Variants in HSD17B12 observed in about 807,000 individuals in gnomAD.
HSD17B12 encodes very-long-chain 3-oxoacyl-CoA reductase.
HSD17B12 carries 32 observed loss-of-function variants against 39.3 expected under a neutral mutation model. That is an observed-to-expected ratio of 0.81 (90% CI 0.61 to 1.09). HSD17B12 has a LOEUF of 1.09. Ranked by LOEUF, HSD17B12 falls within the 50% of genes least tolerant of loss-of-function variation. The pLI, the probability that HSD17B12 is intolerant of heterozygous loss-of-function variation, is 0.00. For missense variants in HSD17B12, 342 were observed against 382.9 expected (o/e 0.89, Z 0.89); for synonymous variants, 150 against 146.7 (o/e 1.02, Z -0.16).
chr11:43,679,926 G>T (rs1245446175), upstream of HSD17B12, among the ~76,000 whole-genome samples: 1 of 151,940 alleles, frequency 6.6e-6, no homozygotes, highest in Non-Finnish European at 1.5e-5. Flanking sequence ...AAGACTGCAA[G>T]CCTTTATCTG....
intron 1 of HSD17B12, among the ~76,000 whole-genome samples, chr11:43,715,031 C>T (rs552019986): frequency 1.4e-4 from 21 of 152,216 alleles, no homozygotes; most frequent in African/African-American, 1.4e-4. Context: ...TGGGCTGAGA[C>T]GATGGGGTTT....
At chr11:43,719,979 A>G (rs1289905276) in intron 1 of HSD17B12, among the ~76,000 whole-genome samples, 1 of 152,228 alleles carries the variant, frequency 6.6e-6, no homozygotes, top group East Asian at 1.9e-4. Flanking sequence ...AGCCACATTT[A>G]TAATCCCTTT....
At chr11:43,650,500 C>A in the HSD17B12 span, among the ~76,000 whole-genome samples, 19 of 152,232 alleles carry the variant, frequency 1.2e-4, no homozygotes, top group South Asian at 3.5e-3. Flanking sequence ...TAGGAACCCT[C>A]ATACACTGCT....
the HSD17B12 span, among the ~76,000 whole-genome samples, chr11:43,655,778 T>G: frequency 2.6e-5 from 4 of 152,180 alleles, no homozygotes; most frequent in African/African-American, 9.7e-5. Flanking sequence ...ATGGATAAGC[T>G]TTTTGATGTG....
At chr11:43,609,343 A>G in the HSD17B12 span, among the ~76,000 whole-genome samples, 1 of 148,300 alleles carries the variant, frequency 6.7e-6, no homozygotes, top group Non-Finnish European at 1.5e-5. Flanking sequence ...ATAAAAATAT[A>G]AAATATATAT....
At chr11:43,588,615 A>C in the HSD17B12 span, among the ~76,000 whole-genome samples, 1 of 148,802 alleles carries the variant, frequency 6.7e-6, no homozygotes, top group African/African-American at 2.4e-5. Context: ...ATTAGCTATT[A>C]TTATTATTAT....
intron 1 of HSD17B12, among the ~76,000 whole-genome samples, chr11:43,712,636 A>G (rs910650124): frequency 6.6e-6 from 1 of 152,094 alleles, no homozygotes; most frequent in Non-Finnish European, 1.5e-5. Context: ...TGATTGGTGT[A>G]TATATCTTCC....
the HSD17B12 span, among the ~76,000 whole-genome samples, chr11:43,567,252 A>C: frequency 3.3e-5 from 5 of 152,212 alleles, no homozygotes; most frequent in Non-Finnish European, 5.9e-5. Flanking sequence ...GAACACATTC[A>C]AAATCCAAGG....
At chr11:43,635,406 A>G in the HSD17B12 span, among the ~76,000 whole-genome samples, 24 of 152,286 alleles carry the variant, frequency 1.6e-4, no homozygotes, top group East Asian at 4.6e-3. Context: ...GTGCAATAAT[A>G]CCACTTATTT....
At chr11:43,730,171 G>C (rs762054741) in intron 1 of HSD17B12, among the ~76,000 whole-genome samples, 1 of 152,058 alleles carries the variant, frequency 6.6e-6, no homozygotes, top group Non-Finnish European at 1.5e-5. Context: ...TGAAACTAAG[G>C]CTCAGAAATA....
chr11:43,596,904 T>C, the HSD17B12 span, among the ~76,000 whole-genome samples: 2 of 152,228 alleles, frequency 1.3e-5, no homozygotes, highest in African/African-American at 4.8e-5. Context: ...CAGACATCAG[T>C]CTCTCTCCTC....
intron 3 of HSD17B12, among the ~76,000 whole-genome samples, chr11:43,770,103 T>A (rs1950634569): frequency 6.6e-6 from 1 of 152,240 alleles, no homozygotes; most frequent in Non-Finnish European, 1.5e-5. Context: ...AGTGTCTTCC[T>A]GGTTCCTTAG....
In HSD17B12 at chr11:43,838,056, T is replaced by G. The variant is rs143361895; in HGVS notation, c.537-261T>G. On this transcript the variant is annotated intron_variant, in intron 7 of 10. Transcript: ENST00000278353. Reference sequence around the variant, plus strand: ...AGGGTAGAGATCAACTCGAGGAGACTGGAGATCTGATCTGGTTATGCCCTG... The same window carrying G: ...AGGGTAGAGATCAACTCGAGGAGACGGGAGATCTGATCTGGTTATGCCCTG... The G allele has an allele frequency of 7.6e-4, 339 of 443,936 alleles. 1 individual carries two copies. The highest frequency in any genetic ancestry group is 6.2e-3 in the African/African-American group (310 of 50,268). 27.5% of individuals were successfully genotyped at this position (443,936 alleles called of 1,614,324 possible).
chr11:43,609,681 C>T, the HSD17B12 span, among the ~76,000 whole-genome samples: 1 of 152,074 alleles, frequency 6.6e-6, no homozygotes, highest in African/African-American at 2.4e-5. Flanking sequence ...TAATCTCCGG[C>T]AGATCCTACA....
the HSD17B12 span, among the ~76,000 whole-genome samples, chr11:43,593,366 A>T: frequency 6.6e-6 from 1 of 152,222 alleles, no homozygotes; most frequent in African/African-American, 2.4e-5. Flanking sequence ...TAGTCTTTTA[A>T]TCAAAAATAG....
At chr11:43,769,586 G>T (rs1361025615) in intron 3 of HSD17B12, among the ~76,000 whole-genome samples, 1 of 152,066 alleles carries the variant, frequency 6.6e-6, no homozygotes, top group Non-Finnish European at 1.5e-5. Flanking sequence ...TTCCTTTATG[G>T]TATTAATCTA....
the HSD17B12 span, among the ~76,000 whole-genome samples, chr11:43,623,801 G>A: frequency 6.6e-6 from 1 of 151,940 alleles, no homozygotes; most frequent in Non-Finnish European, 1.5e-5. Flanking sequence ...TTGAAAATAT[G>A]TATGCATAGT....
chr11:43,840,584 GAA>G, intron 9 of HSD17B12, among the ~76,000 whole-genome samples: 1 of 150,186 alleles, frequency 6.7e-6, no homozygotes, highest in Non-Finnish European at 1.5e-5. Context: ...CTATCTCTAT[GAA>G]TTTGACTACT....
At chr11:43,730,165 A>G (rs1253255374) in intron 1 of HSD17B12, among the ~76,000 whole-genome samples, 1 of 152,180 alleles carries the variant, frequency 6.6e-6, no homozygotes, top group Non-Finnish European at 1.5e-5. Context: ...AGATGCTGAA[A>G]CTAAGGCTCA....
Sources: allele counts gnomAD v4.1 joint callset (sites outside exome capture counted in the v4.1 genomes callset), GRCh38; gene constraint gnomAD v4.1.1; transcripts MANE v1.5; gene names NCBI Gene and HGNC (gene_info 2026-07-23, HGNC 2026-07-21).